SLC38A10: variants seen among roughly 807,000 people sequenced by gnomAD.
SLC38A10 encodes the protein solute carrier family 38 member 10, also known as Sodium-coupled neutral amino acid transporter 10.
Under a neutral mutation model 81.0 loss-of-function variants are expected in SLC38A10, and 53 were observed. That is an observed-to-expected ratio of 0.65 (90% CI 0.53 to 0.82). The LOEUF is 0.82. Ranked by LOEUF, SLC38A10 falls within the 40% of genes least tolerant of loss-of-function variation. SLC38A10 has a pLI of 0.00. For synonymous variants in SLC38A10, 665 were observed against 655.3 expected (o/e 1.01, Z -0.23); for missense variants, 1,471 against 1,545.0 (o/e 0.95, Z 0.80).
In SLC38A10 at chr17:81,292,409, G is replaced by C. The variant is rs528214991; in HGVS notation, c.99+2414C>G. On this transcript the variant is annotated intron_variant, in intron 1 of 15. Transcript: ENST00000374759. ...AAAAGTGCTGGGATTACAGGCGTGA[G>C]CCAACACGCCCAGCTATGTATATAT... Among the ~76,000 whole-genome samples, 18 of 151,944 alleles carry C rather than the reference G, an allele frequency of 1.2e-4. No individual in the cohort carries two copies. In the East Asian group the frequency reaches 3.5e-3, roughly 29 times the overall value.
Position 81,289,668 on chromosome 17 carries a change from A to G in SLC38A10, c.217+23T>C. 1 of 1,578,328 alleles carries G rather than the reference A, an allele frequency of 6.3e-7. No individual in the cohort carries two copies. The highest frequency in any genetic ancestry group is 8.6e-7 in the Non-Finnish European group (1 of 1,159,258). ...AGGCCCCCGCCCCAGGTCCAGAGCC[A>G]CCTTGTGGAGAGGGCGCCTCACCCA... On this transcript the variant is annotated intron_variant, in intron 2 of 15. Transcript: ENST00000374759. The surrounding 1 kb of genome is among the most constrained non-coding windows in gnomAD (Gnocchi z 5.9).
chr17:81,253,943 T>C lies in SLC38A10; in HGVS notation c.1289-703A>G. On this transcript the variant is annotated intron_variant, in intron 11 of 15. Coordinates refer to ENST00000374759, the MANE Select transcript of SLC38A10 (RefSeq NM_001037984.3). This position sits in a 1 kb window ranked among gnomAD's most constrained non-coding sequence, Gnocchi z 4.1. ...CCTACCATCATTGCCATCACCTCCATTATCGTCATCACCACCACCATCTCC... is the reference window on the plus strand; with the variant it reads ...CCTACCATCATTGCCATCACCTCCACTATCGTCATCACCACCACCATCTCC... Among the ~76,000 whole-genome samples the C allele has an allele frequency of 6.6e-6, 1 of 151,342 alleles. No individual in the cohort carries two copies. The highest frequency in any genetic ancestry group is 1.9e-4 in the East Asian group (1 of 5,152).
Position 81,252,576 on chromosome 17 carries a change from G to A in SLC38A10, c.1564C>T (p.Pro522Ser). The change falls in exon 13 of 16, where the codon CCT (proline) becomes TCT (serine). Residue 522 changes from proline to serine, a missense_variant. By Grantham distance (74) the Pro-to-Ser change is moderately conservative. Transcript: ENST00000374759. ...QDREVPEENK[P>S]PSRHAGGKAP... ...TTTCCGCCCGCGTGTCTGGATGGAG[G>A]TTTGTTCTCTTCTGGCACCTCTCGG... is the stretch of plus-strand genomic sequence containing the variant. 2 of 1,613,508 alleles carry A rather than the reference G, an allele frequency of 1.2e-6. No homozygotes were observed.
In SLC38A10 at chr17:81,251,506, G is replaced by A; in HGVS notation, c.2052C>T (p.Ala684=). ...CGGAGGCCTTACCCTCCAGCTGGCTGGCCGCCTGGTTTCCACCCGCTCGCT... is the reference window on the plus strand; with the variant it reads ...CGGAGGCCTTACCCTCCAGCTGGCTAGCCGCCTGGTTTCCACCCGCTCGCT... ...DVERAGGNQA[A]SQLEEAGRAE... is the part of the protein sequence containing the mutation. The change falls in exon 14 of 16, where the codon GCC becomes GCT. Residue 684 remains alanine, a synonymous_variant. Transcript: ENST00000374759. The A allele has an allele frequency of 6.3e-7, 1 of 1,599,674 alleles. No homozygotes were observed. Among genetic ancestry groups the A allele is most frequent in the East Asian group, 2.2e-5 (1 of 44,564 alleles).
rs1277122729 is a variant in SLC38A10, at chr17:81,277,375, G to A, written c.627-242C>T. On this transcript the variant is annotated intron_variant, in intron 6 of 15. Coordinates refer to ENST00000374759, the MANE Select transcript of SLC38A10 (RefSeq NM_001037984.3). The surrounding 1 kb of genome is among the most constrained non-coding windows in gnomAD (Gnocchi z 4.5). ...GTGCACCATGCGAACATTCCCCAAG[G>A]CTACAGAACGACAGGCTGCTGCTCC... Among the ~76,000 whole-genome samples the A allele has an allele frequency of 6.6e-6, 1 of 152,232 alleles. No homozygotes were observed. Among genetic ancestry groups the A allele is most frequent in the Non-Finnish European group, 1.5e-5 (1 of 68,042 alleles).
At chr17:81,280,580 TC>T (rs765206291) in intron 6 of SLC38A10, 28 bp downstream of exon 6, 74 of 1,611,426 alleles carry the variant, frequency 4.6e-5, no homozygotes, top group Non-Finnish European at 6.2e-5. Flanking sequence ...GTCACAGAAC[TC>T]CACCACAGAC....
chr17:81,253,161 C>T lies in SLC38A10; in HGVS notation c.1368G>A (p.Gln456=), dbSNP rs1425983957. The T allele has an allele frequency of 1.2e-6, 2 of 1,613,854 alleles. No homozygotes were observed. The highest frequency in any genetic ancestry group is 2.7e-5 in the African/African-American group (2 of 74,930). ...CATCCACGGGCCCCTTGATCTGGGC[C>T]TGCTCCAGCTCCTCTCTCTCCTTCG... ...KLPKEREELE[Q]AQIKGPVDVP... The change falls in exon 12 of 16, where the codon CAG becomes CAA. Residue 456 remains glutamine, a synonymous_variant. Transcript: ENST00000374759. This position sits in a 1 kb window ranked among gnomAD's most constrained non-coding sequence, Gnocchi z 4.1.
chr17:81,251,206 G>A (rs774060952), intron 14 of SLC38A10: 62 of 1,545,808 alleles, frequency 4.0e-5, no homozygotes, highest in Middle Eastern at 1.7e-4. Flanking sequence ...TGACAATGCC[G>A]CAGGTGTTTT....
chr17:81,281,135 G>C lies in SLC38A10; in HGVS notation c.502-402C>G, dbSNP rs1221971643. 6.6e-6 allele frequency among the ~76,000 whole-genome samples: 1 copy of C among 152,218 alleles called. No homozygotes were observed. Among genetic ancestry groups the C allele is most frequent in the African/African-American group, 2.4e-5 (1 of 41,458 alleles). On this transcript the variant is annotated intron_variant, in intron 5 of 15. Coordinates refer to ENST00000374759, the MANE Select transcript of SLC38A10 (RefSeq NM_001037984.3). This position sits in a 1 kb window ranked among gnomAD's most constrained non-coding sequence, Gnocchi z 5.3. ...TGTTAGACATGGACATTTTCCAAAA[G>C]ACTGGCCCACCAGGACGCGGCTGTC...
intron 14 of SLC38A10, chr17:81,251,204 C>T: frequency 1.3e-6 from 2 of 1,545,794 alleles, no homozygotes; most frequent in Non-Finnish European, 1.7e-6. Flanking sequence ...AGTGACAATG[C>T]CGCAGGTGTT....
rs1159355321 is a variant in SLC38A10 at position 81,295,081 on chromosome 17, G to T, written c.-160C>A. 1 of 1,255,702 alleles carries T rather than the reference G, an allele frequency of 8.0e-7. No individual in the cohort carries two copies. Among genetic ancestry groups the T allele is most frequent in the South Asian group, 2.2e-5 (1 of 46,386 alleles). The allele number at this position is 1,255,702 out of a possible 1,614,324, so 77.8% of individuals were successfully genotyped here. On this transcript the variant is annotated 5_prime_UTR_variant, in exon 1 of 16. Transcript: ENST00000374759. ...GAACACGGGAGCCTGAGCAGGCGCGGGCGCGGGCCCCAGAGGCTGCCTGGA... is the reference window on the plus strand; with the variant it reads ...GAACACGGGAGCCTGAGCAGGCGCGTGCGCGGGCCCCAGAGGCTGCCTGGA...
At chr17:81,262,310 G>A (rs1320177284) in intron 10 of SLC38A10, among the ~76,000 whole-genome samples, 1 of 152,216 alleles carries the variant, frequency 6.6e-6, no homozygotes, top group Non-Finnish European at 1.5e-5. Context: ...GCACAGGGCA[G>A]AGACCAGGCT....
chr17:81,272,322 G>A (rs978312304), intron 9 of SLC38A10, among the ~76,000 whole-genome samples, 194 bp downstream of exon 9: 7 of 151,948 alleles, frequency 4.6e-5, no homozygotes, highest in African/African-American at 1.2e-4. Flanking sequence ...GTGAGCCACC[G>A]CACCTGGCTC....
At chr17:81,279,446 G>C (rs1013302661) in intron 6 of SLC38A10, among the ~76,000 whole-genome samples, 1 of 152,184 alleles carries the variant, frequency 6.6e-6, no homozygotes, top group Non-Finnish European at 1.5e-5. Flanking sequence ...AACATTCCTG[G>C]GTTCAGAGGT....
rs1003905437 is a variant in SLC38A10, at chr17:81,270,147, G to A, written c.1131+771C>T. On this transcript the variant is annotated intron_variant, in intron 10 of 15. Coordinates refer to ENST00000374759, the MANE Select transcript of SLC38A10 (RefSeq NM_001037984.3). This position sits in a 1 kb window ranked among gnomAD's most constrained non-coding sequence, Gnocchi z 4.0. ...TGATGAAGCCTGGAAGGTCCTGGGT[G>A]CAGGGACAGAGGCCTTGAGCCTGGC... Among the ~76,000 whole-genome samples, 1 of 152,198 alleles carries A rather than the reference G, an allele frequency of 6.6e-6. No individual in the cohort carries two copies. Among genetic ancestry groups the A allele is most frequent in the African/African-American group, 2.4e-5 (1 of 41,442 alleles).
At chr17:81,267,813 C>G (rs772978038) in intron 10 of SLC38A10, among the ~76,000 whole-genome samples, 2 of 151,932 alleles carry the variant, frequency 1.3e-5, no homozygotes, top group Non-Finnish European at 2.9e-5. Context: ...TCCCAGAGGA[C>G]AGAGAAAAGC....
intron 11 of SLC38A10, among the ~76,000 whole-genome samples, chr17:81,259,660 A>C (rs539746980): frequency 7.9e-5 from 12 of 152,146 alleles, no homozygotes; most frequent in Non-Finnish European, 1.2e-4. Context: ...GGGCTGTGCC[A>C]CAGACGGAGG....
At chr17:81,275,859 C>T (rs1020210006) in intron 8 of SLC38A10, 110 bp downstream of exon 8, 39 of 1,318,370 alleles carry the variant, frequency 3.0e-5, no homozygotes, top group African/African-American at 1.8e-4. Flanking sequence ...ACTCCTCTGA[C>T]GCAAATCCCC....
intron 8 of SLC38A10, among the ~76,000 whole-genome samples, chr17:81,274,529 C>T (rs2063144211): frequency 6.6e-6 from 1 of 152,178 alleles, no homozygotes; most frequent in African/African-American, 2.4e-5. Flanking sequence ...AAGGGACATA[C>T]CAGGCTCACA....
Sources: allele counts gnomAD v4.1 joint callset (sites outside exome capture counted in the v4.1 genomes callset), GRCh38; gene constraint gnomAD v4.1.1; non-coding constraint Gnocchi (gnomAD v3.1); transcripts MANE v1.5; gene names NCBI Gene and HGNC (gene_info 2026-07-23, HGNC 2026-07-21).